The following HIVEP1 variants were observed in gnomAD, a reference collection of about 807,000 sequenced individuals.
The protein encoded by HIVEP1 is zinc finger protein 40.
HIVEP1 carries 36 observed loss-of-function variants against 180.0 expected under a neutral mutation model. That is an observed-to-expected ratio of 0.20 (90% CI 0.15 to 0.26). HIVEP1 has a LOEUF of 0.26. Ranked by LOEUF, HIVEP1 falls within the 10% of genes least tolerant of loss-of-function variation. The pLI is 1.00. For synonymous variants in HIVEP1, 1,239 were observed against 1,239.0 expected (o/e 1.00, Z 0.00); for missense variants, 3,143 against 3,268.7 (o/e 0.96, Z 0.94).
the HIVEP1 span, among the ~76,000 whole-genome samples, chr6:12,185,178 C>T: frequency 6.6e-6 from 1 of 152,204 alleles, no homozygotes; most frequent in Non-Finnish European, 1.5e-5. Flanking sequence ...GAATCACAGG[C>T]AGGCAGACAC....
chr6:12,165,272 C>T (rs554021242), downstream of HIVEP1: 10 of 332,986 alleles, frequency 3.0e-5, no homozygotes, highest in Non-Finnish European at 5.8e-5. Context: ...AAGCATATAG[C>T]CTAAAATGGG....
downstream of HIVEP1, among the ~76,000 whole-genome samples, chr6:12,167,647 A>ATGC (rs1562023646): frequency 1.0e-5 from 1 of 95,266 alleles, no homozygotes; most frequent in Admixed American, 1.1e-4. Context: ...ATACATATAC[A>ATGC]TATATATGTT....
chr6:12,011,885 C>T (rs1305015200), upstream of HIVEP1: 1 of 140,620 alleles, frequency 7.1e-6, no homozygotes, highest in Non-Finnish European at 1.6e-5. Context: ...CCCGCCCACG[C>T]GTCGCCGCCC....
intron 7 of HIVEP1, among the ~76,000 whole-genome samples, chr6:12,148,194 A>G (rs185961903): frequency 4.6e-4 from 70 of 152,344 alleles, no homozygotes; most frequent in African/African-American, 1.6e-3. Flanking sequence ...TACAGTTTCA[A>G]GTTTTGAAGT....
the HIVEP1 span, among the ~76,000 whole-genome samples, chr6:12,192,392 G>A: frequency 6.6e-6 from 1 of 152,132 alleles, no homozygotes; most frequent in African/African-American, 2.4e-5. Context: ...TCAAGTTAGG[G>A]TATTTCCATC....
At chr6:12,035,424 T>C (rs1290051527) in intron 2 of HIVEP1, among the ~76,000 whole-genome samples, 1 of 152,110 alleles carries the variant, frequency 6.6e-6, no homozygotes, top group Non-Finnish European at 1.5e-5. Context: ...TAGTTCAGAG[T>C]GGTGGAGTGT....
At chr6:12,141,809 G>A (rs573116914) in intron 7 of HIVEP1, among the ~76,000 whole-genome samples, 10 of 151,092 alleles carry the variant, frequency 6.6e-5, no homozygotes, top group Non-Finnish European at 1.0e-4. Flanking sequence ...AATGGCAAAG[G>A]GATCAATTCA....
chr6:12,015,431 G>C, intron 1 of HIVEP1, 95 bp from the exon 2 acceptor site: 1 of 451,770 alleles, frequency 2.2e-6, no homozygotes, highest in South Asian at 4.5e-5. Flanking sequence ...ACTTTTTCTT[G>C]AGTTTAGGTT....
At chr6:12,040,934 C>T (rs1179619369) in intron 2 of HIVEP1, among the ~76,000 whole-genome samples, 1 of 152,174 alleles carries the variant, frequency 6.6e-6, no homozygotes, top group Non-Finnish European at 1.5e-5. Context: ...AGAACTCACT[C>T]TCACGAAGAC....
chr6:12,056,710 T>A (rs1373297436), intron 2 of HIVEP1, among the ~76,000 whole-genome samples: 1 of 152,240 alleles, frequency 6.6e-6, no homozygotes, highest in Non-Finnish European at 1.5e-5. Flanking sequence ...AACGCGACTT[T>A]AATGGCAATG....
At position 12,025,308 on chromosome 6, in the gene HIVEP1, A is replaced by AT. The variant is rs910770380; in HGVS notation, c.40+9650dup. 2.2e-3 allele frequency among the ~76,000 whole-genome samples: 337 copies of AT among 150,660 alleles called. 2 individuals carry two copies. The highest frequency in any genetic ancestry group is 7.0e-3 in the African/African-American group (286 of 41,066). On this transcript the variant is annotated intron_variant, in intron 2 of 8. Coordinates refer to ENST00000379388, the MANE Select transcript of HIVEP1 (RefSeq NM_002114.4). ...TATTCAGGAGGTCAGAATTTGAAGG[A>AT]TTTTTTTTTTCTTAAGCCTTTAATT...
the HIVEP1 span, among the ~76,000 whole-genome samples, chr6:12,170,658 C>T: frequency 1.3e-5 from 2 of 152,234 alleles, no homozygotes; most frequent in South Asian, 2.1e-4. Context: ...TTTAGCAAGG[C>T]ATCTGACGAA....
intron 3 of HIVEP1, among the ~76,000 whole-genome samples, chr6:12,117,180 T>A (rs1223576592): frequency 1.3e-5 from 2 of 151,946 alleles, no homozygotes; most frequent in Non-Finnish European, 2.9e-5. Flanking sequence ...AGAAGAAAAG[T>A]TTTCTGAGGT....
At chr6:12,136,222 C>T (rs1397267815) in intron 7 of HIVEP1, among the ~76,000 whole-genome samples, 1 of 152,008 alleles carries the variant, frequency 6.6e-6, no homozygotes, top group Non-Finnish European at 1.5e-5. Context: ...TGCTGATTAC[C>T]TACTTCTCTA....
chr6:12,162,604 C>T (rs1760477663), intron 8 of HIVEP1, among the ~76,000 whole-genome samples: 1 of 152,206 alleles, frequency 6.6e-6, no homozygotes, highest in South Asian at 2.1e-4. Context: ...GGAATACATT[C>T]TTCCCTCATT....
At chr6:12,052,758 C>G (rs915554901) in intron 2 of HIVEP1, among the ~76,000 whole-genome samples, 1 of 152,146 alleles carries the variant, frequency 6.6e-6, no homozygotes, top group South Asian at 2.1e-4. Flanking sequence ...TACCTTGTTA[C>G]CACAATTTAC....
chr6:12,048,621 AG>A (rs1265838567), intron 2 of HIVEP1, among the ~76,000 whole-genome samples: 3 of 152,242 alleles, frequency 2.0e-5, no homozygotes, highest in African/African-American at 7.2e-5. Context: ...TCAACATTTA[AG>A]GGCGAATACA....
At chr6:12,041,948 C>T (rs1404696461) in intron 2 of HIVEP1, among the ~76,000 whole-genome samples, 1 of 151,534 alleles carries the variant, frequency 6.6e-6, no homozygotes, top group African/African-American at 2.4e-5. Flanking sequence ...TGTGAGTCAC[C>T]GTGCCTGGCC....
intron 4 of HIVEP1, among the ~76,000 whole-genome samples, chr6:12,127,592 AG>A (rs999889236): frequency 2.6e-5 from 4 of 152,134 alleles, no homozygotes; most frequent in Non-Finnish European, 4.4e-5. Context: ...TCTTTTGTGT[AG>A]AGTAGAGATT....
Sources: gnomAD v4.1 joint callset for allele counts (sites outside exome capture counted in the v4.1 genomes callset) on GRCh38, gnomAD v4.1.1 for gene constraint, MANE v1.5 for transcripts, NCBI Gene and HGNC (gene_info 2026-07-23, HGNC 2026-07-21) for gene names.